Variants in VIRMA observed in about 807,000 individuals in gnomAD.
VIRMA encodes the protein protein virilizer homolog.
Under a neutral mutation model 182.4 loss-of-function variants are expected in VIRMA, and 65 were observed. The ratio of observed to expected loss-of-function variants is 0.36; its 90% confidence interval spans 0.29 to 0.44. The LOEUF is 0.44. Among genes scored for constraint, VIRMA ranks in the 20% least tolerant of loss-of-function variants. VIRMA has a pLI of 1.00. For missense variants in VIRMA, 1,752 were observed against 2,158.1 expected (o/e 0.81, Z 3.73); for synonymous variants, 709 against 743.1 (o/e 0.95, Z 0.75).
At chr8:94,495,679 C>T in intron 19 of VIRMA, 52 bp downstream of exon 19, 1 of 1,528,114 alleles carries the variant, frequency 6.5e-7, no homozygotes, top group Non-Finnish European at 8.9e-7. Context: ...CCCTAGACTA[C>T]AGCCATTTTA....
chr8:94,548,495 T>C (rs1197827648), intron 1 of VIRMA, among the ~76,000 whole-genome samples: 1 of 151,014 alleles, frequency 6.6e-6, no homozygotes, highest in African/African-American at 2.5e-5. Context: ...GAAAGGAAAT[T>C]AATTCACTCA....
chr8:94,500,294 G>C (rs893717473), intron 16 of VIRMA, among the ~76,000 whole-genome samples: 3 of 152,168 alleles, frequency 2.0e-5, no homozygotes, highest in African/African-American at 7.2e-5. Context: ...AGCTACTGGG[G>C]AGGCTGAGGC....
rs546294587 is a variant in VIRMA, at chr8:94,499,264, G to C, written c.4230+110C>G. On this transcript the variant is annotated intron_variant, in intron 17 of 23. Transcript: ENST00000297591. ...GATCCTCCCACCTCAGCCCACCAGA[G>C]TGCTGAGATTACAGATGTGAGCCAT... The C allele has an allele frequency of 1.4e-5, 10 of 724,644 alleles. No homozygotes were observed. The South Asian group carries it at 2.2e-4, about 16-fold the overall frequency. The allele number at this position is 724,644 out of a possible 1,614,324, so 44.9% of individuals were successfully genotyped here.
At position 94,529,088 on chromosome 8, in the gene VIRMA, C is replaced by T. The variant is rs1352487137; in HGVS notation, c.862G>A (p.Glu288Lys). The T allele has an allele frequency of 1.3e-6, 2 of 1,591,416 alleles. No individual in the cohort carries two copies. Among genetic ancestry groups the T allele is most frequent in the Non-Finnish European group, 1.7e-6 (2 of 1,159,546 alleles). The part of the protein sequence containing the change: ...EEEDEEEEGE[E>K]DEEGEGDDGY... ...AACCCACCTTCACCTTCTTCATCCT[C>T]TTCACCTTCTTCCTCTTCATCTTCC... The change falls in exon 7 of 24, where the codon GAG becomes AAG. Residue 288 changes from glutamate to lysine, a missense_variant. Glu to Lys is a moderately conservative substitution (Grantham distance 56). Around this residue, in one of 11 missense-constraint regions of VIRMA, gnomAD observed 31 missense variants for 68.4 expected, o/e 0.45. Coordinates refer to ENST00000297591, the MANE Select transcript of VIRMA (RefSeq NM_015496.5).
chr8:94,545,964 A>G (rs1249411610), intron 1 of VIRMA, among the ~76,000 whole-genome samples: 1 of 151,926 alleles, frequency 6.6e-6, no homozygotes, highest in Non-Finnish European at 1.5e-5. Context: ...GACTGAGGTG[A>G]GAGGATCACT....
intron 5 of VIRMA, among the ~76,000 whole-genome samples, chr8:94,532,395 C>T (rs1173171677): frequency 1.3e-5 from 2 of 152,220 alleles, no homozygotes; most frequent in East Asian, 1.9e-4. Context: ...GCGTGAGCCA[C>T]GGCATCCAGC....
intron 17 of VIRMA, chr8:94,498,051 A>G (rs1486860203): frequency 6.6e-6 from 1 of 152,102 alleles, no homozygotes; most frequent in Non-Finnish European, 1.5e-5. Flanking sequence ...TCACTCTTTC[A>G]TCCAAGCTGA....
chr8:94,518,906 CTTCTT>C (rs1458236486), intron 9 of VIRMA, 74 bp downstream of exon 9: 95 of 1,292,918 alleles, frequency 7.3e-5, no homozygotes, highest in Admixed American at 3.5e-4. Context: ...AAAATAACAC[CTTCTT>C]TTAAGAAACT....
intron 2 of VIRMA, 71 bp from the exon 3 acceptor site, chr8:94,538,417 G>A: frequency 1.1e-6 from 1 of 929,152 alleles, no homozygotes; most frequent in South Asian, 1.4e-5. Flanking sequence ...AAATAACATA[G>A]TAAGTACAAA....
At chr8:94,506,746 T>G (rs749773521) in intron 15 of VIRMA, 29 bp from the exon 16 acceptor site, 2 of 1,449,878 alleles carry the variant, frequency 1.4e-6, no homozygotes, top group South Asian at 2.4e-5. Flanking sequence ...AAAAAATCGA[T>G]TTTTTAAATA....
At chr8:94,516,735 T>C (rs377734793) in intron 10 of VIRMA, among the ~76,000 whole-genome samples, 8 of 152,314 alleles carry the variant, frequency 5.3e-5, no homozygotes, top group Non-Finnish European at 8.8e-5. Flanking sequence ...TTGAAGACAC[T>C]GTGTGCCCTC....
intron 8 of VIRMA, among the ~76,000 whole-genome samples, chr8:94,520,337 A>T (rs891362620): frequency 6.6e-6 from 1 of 152,010 alleles, no homozygotes; most frequent in African/African-American, 2.4e-5. Flanking sequence ...CTCTAAAAAA[A>T]TTTTTTAATT....
In VIRMA at chr8:94,488,832, A is replaced by G; in HGVS notation, c.5313T>C (p.Ala1771=). ...TGYRPSPRDR[A]SRGRGGLGPS... is the part of the protein sequence containing the mutation. ...GTCCAAGTCCCCCACGACCTCTAGA[A>G]GCACGGTCCCGAGGACTTGGGCGGT... Residue 1771 remains alanine, a synonymous_variant, in exon 24 of 24, where the codon GCT becomes GCC. Coordinates refer to ENST00000297591, the MANE Select transcript of VIRMA (RefSeq NM_015496.5). 3.1e-6 allele frequency: 5 copies of G among 1,614,196 alleles called. No homozygotes were observed. Among genetic ancestry groups the G allele is most frequent in the Non-Finnish European group, 4.2e-6 (5 of 1,180,014 alleles).
rs186895024 is a variant in VIRMA, at chr8:94,534,797, G to A, written c.484+42C>T. 2,897 of 1,590,016 alleles carry A rather than the reference G, an allele frequency of 1.8e-3. 2 individuals carry two copies. The highest frequency in any genetic ancestry group is 2.2e-3 in the Non-Finnish European group (2,548 of 1,170,134). On this transcript the variant is annotated intron_variant, in intron 5 of 23. Coordinates refer to ENST00000297591, the MANE Select transcript of VIRMA (RefSeq NM_015496.5). The stretch of plus-strand genomic sequence containing the variant: ...GAATTATTTTTTTTTTTTAAACCAC[G>A]GATATAAGTTTCACTTGCAAAAGCA...
Position 94,509,911 on chromosome 8 carries a change from G to C in VIRMA, c.3656C>G (p.Thr1219Ser), listed in dbSNP as rs773073014. The C allele has an allele frequency of 2.0e-5, 32 of 1,611,018 alleles. No homozygotes were observed. The highest frequency in any genetic ancestry group is 2.6e-5 in the Non-Finnish European group (31 of 1,179,076). ...STSEDKEKQY[T>S]SQTTRLLALL... ...AGCAAGCAACCTGGTGGTTTGGCTA[G>C]TATACTGTTTTTCTTTATCTTCTGA... Residue 1219 changes from threonine to serine, a missense_variant, in exon 15 of 24, where the codon ACT (threonine) becomes AGT (serine). Thr to Ser is a moderately conservative substitution (Grantham distance 58, BLOSUM62 1). This residue lies in a region of VIRMA where 777 missense variants were observed against 920.6 expected (regional missense o/e 0.84). Transcript: ENST00000297591.
At chr8:94,517,691 G>T in intron 10 of VIRMA, 97 bp downstream of exon 10, 2 of 757,358 alleles carry the variant, frequency 2.6e-6, no homozygotes, top group Non-Finnish European at 4.1e-6. Context: ...GTATTACTAG[G>T]TATATTATCG....
At chr8:94,539,972 T>C (rs983692634) in intron 2 of VIRMA, among the ~76,000 whole-genome samples, 1 of 152,218 alleles carries the variant, frequency 6.6e-6, no homozygotes, top group South Asian at 2.1e-4. Flanking sequence ...TGCTGTCACC[T>C]TGATACTGGA....
At chr8:94,521,206 C>A (rs535626872) in intron 8 of VIRMA, among the ~76,000 whole-genome samples, 1 of 152,244 alleles carries the variant, frequency 6.6e-6, no homozygotes, top group African/African-American at 2.4e-5. Flanking sequence ...TCCCCCAACC[C>A]TCTGTTCTCC....
In VIRMA at chr8:94,509,958, C is replaced by G; in HGVS notation, c.3627-18G>C. ...CTGAAGTGCTGAAATAAAATCGATACATTTAGTAAACAAAGTTCTTGACCT... is the reference window on the plus strand; with the variant it reads ...CTGAAGTGCTGAAATAAAATCGATAGATTTAGTAAACAAAGTTCTTGACCT... On this transcript the variant is annotated intron_variant, in intron 14 of 23. Transcript: ENST00000297591. 6.3e-7 allele frequency: 1 copy of G among 1,584,844 alleles called. No individual in the cohort carries two copies. The highest frequency in any genetic ancestry group is 8.6e-7 in the Non-Finnish European group (1 of 1,167,834).
Sources: gnomAD v4.1 joint callset for allele counts (sites outside exome capture counted in the v4.1 genomes callset) on GRCh38, gnomAD v4.1.1 for gene constraint, gnomAD v4.1.1 regional missense constraint, MANE v1.5 for transcripts, NCBI Gene and HGNC (gene_info 2026-07-23, HGNC 2026-07-21) for gene names.